VTI1A: variants seen among roughly 807,000 people sequenced by gnomAD.
VTI1A encodes vesicle transport through interaction with t-SNAREs 1A.
A neutral mutation model predicts 34.9 loss-of-function variants in VTI1A; 22 were observed. That is an observed-to-expected ratio of 0.63 (90% CI 0.45 to 0.90). The LOEUF is 0.90. VTI1A is among the 40% of genes least tolerant of loss of function. The pLI, the probability that VTI1A is intolerant of heterozygous loss-of-function variation, is 0.00. For missense variants in VTI1A, 268 were observed against 275.6 expected (o/e 0.97, Z 0.20); for synonymous variants, 87 against 97.3 (o/e 0.89, Z 0.62).
intron 3 of VTI1A, among the ~76,000 whole-genome samples, chr10:112,526,708 G>GA (rs972732165): frequency 1.3e-3 from 181 of 143,200 alleles, no homozygotes; most frequent in Admixed American, 2.5e-3. Flanking sequence ...CCACAATATT[G>GA]AAAAAAAAAA....
intron 7 of VTI1A, among the ~76,000 whole-genome samples, chr10:112,685,407 G>T (rs1303653058): frequency 6.6e-6 from 1 of 152,002 alleles, no homozygotes; most frequent in African/African-American, 2.4e-5. Flanking sequence ...CTGTGCTGCT[G>T]GTTATGTGAG....
intron 7 of VTI1A, among the ~76,000 whole-genome samples, chr10:112,772,895 A>G (rs1170763539): frequency 1.3e-5 from 2 of 152,234 alleles, no homozygotes; most frequent in African/African-American, 4.8e-5. Context: ...CGACTGGCAT[A>G]GGTCATTCAG....
At chr10:112,625,013 A>G (rs1845868523) in intron 5 of VTI1A, among the ~76,000 whole-genome samples, 1 of 152,144 alleles carries the variant, frequency 6.6e-6, no homozygotes, top group Admixed American at 6.5e-5. Flanking sequence ...CAGGAGGATC[A>G]CTTGAGCCCA....
intron 3 of VTI1A, among the ~76,000 whole-genome samples, chr10:112,500,095 TA>T (rs1342756785): frequency 6.6e-6 from 1 of 152,196 alleles, no homozygotes. Flanking sequence ...TAAATCTAGC[TA>T]AAAGACATGA....
chr10:112,590,510 T>A (rs1844349201), intron 5 of VTI1A, among the ~76,000 whole-genome samples: 1 of 151,626 alleles, frequency 6.6e-6, no homozygotes, highest in African/African-American at 2.4e-5. Context: ...CTAGCCAACA[T>A]GGTGAGACCC....
intron 3 of VTI1A, among the ~76,000 whole-genome samples, chr10:112,489,101 T>G (rs1421441515): frequency 6.6e-6 from 1 of 152,162 alleles, no homozygotes; most frequent in East Asian, 1.9e-4. Flanking sequence ...CCCTGGAGTT[T>G]CTGATTCTGA....
chr10:112,751,138 C>T (rs1045168006), intron 7 of VTI1A, among the ~76,000 whole-genome samples: 2 of 152,130 alleles, frequency 1.3e-5, no homozygotes, highest in South Asian at 2.1e-4. Flanking sequence ...TGTAGAATAA[C>T]GTCAGTGCTT....
At chr10:112,726,326 G>T (rs1313940901) in intron 7 of VTI1A, among the ~76,000 whole-genome samples, 1 of 152,188 alleles carries the variant, frequency 6.6e-6, no homozygotes, top group African/African-American at 2.4e-5. Context: ...TAATGTTGAA[G>T]AATAATGGTA....
At chr10:112,846,624 G>A in the VTI1A span, among the ~76,000 whole-genome samples, 1 of 152,118 alleles carries the variant, frequency 6.6e-6, no homozygotes, top group African/African-American at 2.4e-5. Context: ...AAATTAGCTG[G>A]ACATGGTGGC....
chr10:112,830,849 A>ATATATTTTTTTTTTTTTTTT, the VTI1A span, among the ~76,000 whole-genome samples: 4 of 33,496 alleles, frequency 1.2e-4, no homozygotes, highest in Admixed American at 4.7e-4. Context: ...ATATATATAT[A>ATATATTTTTTTTTTTTTTTT]TTTTTTTTTT....
Position 112,447,392 on chromosome 10 carries a change from G to C in VTI1A, c.19G>C (p.Gly7Arg), listed in dbSNP as rs750526924. Residue 7 changes from glycine to arginine, a missense_variant, in exon 1 of 8, where the codon GGT becomes CGT. Coordinates refer to ENST00000393077, the MANE Select transcript of VTI1A (RefSeq NM_145206.4). MSSDFE[G>R]YEQDFAVLTA... ...AGCCGCCATGTCGTCCGACTTCGAA[G>C]GTTACGAGCAGGACTTCGCGGTGCT... 6.2e-7 allele frequency: 1 copy of C among 1,613,668 alleles called. No homozygotes were observed.
intron 7 of VTI1A, among the ~76,000 whole-genome samples, chr10:112,709,023 A>G (rs1261159942): frequency 6.6e-6 from 1 of 151,852 alleles, no homozygotes; most frequent in African/African-American, 2.4e-5. Context: ...TCCAGCGTCT[A>G]TTGTCAATTT....
intron 7 of VTI1A, among the ~76,000 whole-genome samples, chr10:112,740,171 T>G (rs1234216308): frequency 6.6e-6 from 1 of 152,248 alleles, no homozygotes; most frequent in African/African-American, 2.4e-5. Flanking sequence ...GATCTGTGTT[T>G]CCTGCACTCT....
At chr10:112,698,623 A>G (rs1012363138) in intron 7 of VTI1A, among the ~76,000 whole-genome samples, 2 of 152,220 alleles carry the variant, frequency 1.3e-5, no homozygotes, top group African/African-American at 4.8e-5. Flanking sequence ...CTGCTCTAAC[A>G]CTTGCTTTAC....
chr10:112,717,189 G>A (rs976126421), intron 7 of VTI1A, among the ~76,000 whole-genome samples: 1 of 152,226 alleles, frequency 6.6e-6, no homozygotes, highest in Non-Finnish European at 1.5e-5. Flanking sequence ...TTTACAAGGC[G>A]TCTTTGCCCA....
At chr10:112,652,657 G>A (rs776271895) in intron 5 of VTI1A, among the ~76,000 whole-genome samples, 1 of 148,804 alleles carries the variant, frequency 6.7e-6, no homozygotes, top group Non-Finnish European at 1.5e-5. Flanking sequence ...GGCCCAAGAG[G>A]TCAAGGCTGC....
Position 112,496,712 on chromosome 10 carries a change from T to C in VTI1A, c.265-30375T>C, listed in dbSNP as rs192858466. Among the ~76,000 whole-genome samples, 5 of 152,328 alleles carry C rather than the reference T, an allele frequency of 3.3e-5. No homozygotes were observed. In the East Asian group the frequency reaches 9.6e-4, roughly 29 times the overall value. ...CTCTTGATAATGTAGATGGTGACAA[T>C]GGGCACTGCAATTTTTCAGTCAGTG... On this transcript the variant is annotated intron_variant, in intron 3 of 7. Transcript: ENST00000393077.
rs1052887957 is a variant in VTI1A, at chr10:112,815,483, G to A, written c.*100G>A. On this transcript the variant is annotated 3_prime_UTR_variant, in exon 8 of 8. Coordinates refer to ENST00000393077, the MANE Select transcript of VTI1A (RefSeq NM_145206.4). ...ATTCTGTTGCGCTGACAGGCCCCAG[G>A]TGACCCTCTCTCTCCCTCACCGCCG... is the stretch of plus-strand genomic sequence containing the variant. 3.8e-6 allele frequency: 4 copies of A among 1,060,090 alleles called. No individual in the cohort carries two copies. The African/African-American group carries it at 4.7e-5, about 12-fold the overall frequency. 65.7% of individuals were successfully genotyped at this position (1,060,090 alleles called of 1,614,324 possible). A position where few individuals can be genotyped will look rare whatever the true frequency, so the allele number is the denominator to read the frequency against.
At position 112,816,691 on chromosome 10, in the gene VTI1A, C is replaced by T. The variant is rs901755051; in HGVS notation, c.*1308C>T. ...AAGACTTCATAGGCACTTACTGGTC[C>T]GTACTATCTTTGGAATATAATTAGA... On this transcript the variant is annotated 3_prime_UTR_variant, in exon 8 of 8. Coordinates refer to ENST00000393077, the MANE Select transcript of VTI1A (RefSeq NM_145206.4). 40 of 226,042 alleles carry T rather than the reference C, an allele frequency of 1.8e-4. No individual in the cohort carries two copies. The highest frequency in any genetic ancestry group is 1.3e-3 in the Middle Eastern group (1 of 758). 14.0% of individuals were successfully genotyped at this position (226,042 alleles called of 1,614,324 possible). A position where few individuals can be genotyped will look rare whatever the true frequency, so the allele number is the denominator to read the frequency against.
Sources: gnomAD v4.1 joint callset for allele counts (sites outside exome capture counted in the v4.1 genomes callset) on GRCh38, gnomAD v4.1.1 for gene constraint, MANE v1.5 for transcripts, NCBI Gene and HGNC (gene_info 2026-07-23, HGNC 2026-07-21) for gene names.